The following PIEZO2 variants were observed in gnomAD, a reference collection of about 807,000 sequenced individuals.
PIEZO2 encodes piezo type mechanosensitive ion channel component 2.
A neutral mutation model predicts 337.3 loss-of-function variants in PIEZO2; 172 were observed. The ratio of observed to expected loss-of-function variants is 0.51; its 90% CI spans 0.45 to 0.58. The LOEUF is 0.58. Ranked by LOEUF, PIEZO2 falls within the 20% of genes least tolerant of loss-of-function variation. The pLI is 0.00. For missense variants in PIEZO2, 3,028 were observed against 3,391.3 expected (o/e 0.89, Z 2.66); for synonymous variants, 1,251 against 1,228.5 (o/e 1.02, Z -0.38).
chr18:10,855,279 C>T lies in PIEZO2; in HGVS notation c.917+74G>A. 7.5e-7 allele frequency: 1 copy of T among 1,327,710 alleles called. No individual in the cohort carries two copies. Among genetic ancestry groups the T allele is most frequent in the South Asian group, 1.3e-5 (1 of 76,506 alleles). The allele number at this position is 1,327,710 out of a possible 1,614,324, so 82.2% of individuals were successfully genotyped here. A position where few individuals can be genotyped will look rare whatever the true frequency, so the allele number is the denominator to read the frequency against. On this transcript the variant is annotated intron_variant, in intron 7 of 55. Transcript: ENST00000674853. The surrounding 1 kb of genome is among the most constrained non-coding windows in gnomAD (Gnocchi z 4.9). The stretch of plus-strand genomic sequence containing the variant: ...CCATCAAGAATAACCCCTGTAAATT[C>T]ACAATGCCAAACCAAGGTCCCAAAG...
In PIEZO2 at chr18:11,003,633, C is replaced by G. The variant is rs563546590; in HGVS notation, c.161-23973G>C. ...TTCAGGGCACCAGGCGGGCATCAGG[C>G]GGGCACCAGCCCTAGCCAGTACACC... On this transcript the variant is annotated intron_variant, in intron 2 of 55. Transcript: ENST00000674853. This position sits in a 1 kb window ranked among gnomAD's most constrained non-coding sequence, Gnocchi z 4.6. Among the ~76,000 whole-genome samples the G allele has an allele frequency of 6.6e-6, 1 of 152,184 alleles. No homozygotes were observed. The highest frequency in any genetic ancestry group is 2.4e-5 in the African/African-American group (1 of 41,440).
Position 11,038,351 on chromosome 18 carries a change from T to C in PIEZO2, c.160+27776A>G, listed in dbSNP as rs1247878568. Among the ~76,000 whole-genome samples, 1 of 152,146 alleles carries C rather than the reference T, an allele frequency of 6.6e-6. No homozygotes were observed. The highest frequency in any genetic ancestry group is 1.5e-5 in the Non-Finnish European group (1 of 68,034). On this transcript the variant is annotated intron_variant, in intron 2 of 55. Transcript: ENST00000674853. The surrounding 1 kb of genome is among the most constrained non-coding windows in gnomAD (Gnocchi z 4.1). ...TATTATTTCTAAGTTGTATTTTCCT[T>C]CCTTAATTTTTAACTCAAACTTACT...
In PIEZO2 at chr18:10,927,173, T is replaced by C. The variant is rs141705195; in HGVS notation, c.287-15945A>G. On this transcript the variant is annotated intron_variant, in intron 3 of 55. Coordinates refer to ENST00000674853, the MANE Select transcript of PIEZO2 (RefSeq NM_001378183.1). ...GACTGGCAGCCACTTTTCCATGTTA[T>C]CTGATTCGTCTTTCAGATCTCTCAG... Among the ~76,000 whole-genome samples, 407 of 152,332 alleles carry C rather than the reference T, an allele frequency of 2.7e-3. 1 individual carries two copies. Among genetic ancestry groups the C allele is most frequent in the African/African-American group, 9.1e-3 (380 of 41,588 alleles).
At chr18:10,734,749 A>G (rs1239713026) in intron 35 of PIEZO2, among the ~76,000 whole-genome samples, 1 of 152,234 alleles carries the variant, frequency 6.6e-6, no homozygotes, top group Admixed American at 6.5e-5. Flanking sequence ...TCAGCCCAGG[A>G]AGAAGCTGGC....
In PIEZO2 at chr18:10,691,782, C is replaced by CACACACACACACACATATATATATAT; in HGVS notation, c.7191-400_7191-399insATATATATATATGTGTGTGTGTGTGT. On this transcript the variant is annotated intron_variant, in intron 47 of 55. Coordinates refer to ENST00000674853, the MANE Select transcript of PIEZO2 (RefSeq NM_001378183.1). Reference sequence around the variant, plus strand: ...AAATATATATAAACACACACACACACATATATATATATATATATAGAGAGA... The same window carrying CACACACACACACACATATATATATAT: ...AAATATATATAAACACACACACACACACACACACACACACATATATATATATATATATATATATATATATAGAGAGA... Among the ~76,000 whole-genome samples, 26 of 96,598 alleles carry CACACACACACACACATATATATATAT rather than the reference C, an allele frequency of 2.7e-4. 2 individuals are homozygous for CACACACACACACACATATATATATAT. The highest frequency in any genetic ancestry group is 1.7e-3 in the East Asian group (4 of 2,334). 63.4% of individuals were successfully genotyped at this position (96,598 alleles called of 152,430 possible).
At chr18:10,957,089 A>G (rs1024936294) in intron 3 of PIEZO2, among the ~76,000 whole-genome samples, 15 of 151,820 alleles carry the variant, frequency 9.9e-5, no homozygotes, top group Non-Finnish European at 2.1e-4. Context: ...TGGGGAAAGG[A>G]CAGTCTCCTC....
chr18:10,755,538 T>C (rs536091478), intron 27 of PIEZO2, among the ~76,000 whole-genome samples: 3 of 152,238 alleles, frequency 2.0e-5, no homozygotes, highest in Admixed American at 6.5e-5. Flanking sequence ...CTCCATGAAG[T>C]GGGCCTTGGG....
At chr18:11,091,383 C>CAAAAAAA (rs529307821) in intron 1 of PIEZO2, among the ~76,000 whole-genome samples, 1 of 77,834 alleles carries the variant, frequency 1.3e-5, no homozygotes, top group African/African-American at 4.2e-5. Flanking sequence ...GACTCCGTCT[C>CAAAAAAA]AAAAAAAAAA....
At chr18:10,785,393 T>A (rs1004750496) in intron 16 of PIEZO2, among the ~76,000 whole-genome samples, 31 of 152,230 alleles carry the variant, frequency 2.0e-4, no homozygotes, top group African/African-American at 7.5e-4. Context: ...TTACACATCA[T>A]CCTTACACCA....
At chr18:10,681,168 A>C (rs2034247384) in intron 51 of PIEZO2, among the ~76,000 whole-genome samples, 1 of 152,212 alleles carries the variant, frequency 6.6e-6, no homozygotes, top group Non-Finnish European at 1.5e-5. Context: ...TGAAAAGTAG[A>C]AGCTCCTTCT....
rs148615683 is a variant in PIEZO2 at position 11,003,854 on chromosome 18, A to G, written c.161-24194T>C. 1.1e-4 allele frequency among the ~76,000 whole-genome samples: 17 copies of G among 152,350 alleles called. No individual in the cohort carries two copies. Among genetic ancestry groups the G allele is most frequent in the African/African-American group, 4.1e-4 (17 of 41,578 alleles). On this transcript the variant is annotated intron_variant, in intron 2 of 55. Transcript: ENST00000674853. The surrounding 1 kb of genome is among the most constrained non-coding windows in gnomAD (Gnocchi z 4.6). ...ACAAAGTGATTTTTTCCCCTCATTG[A>G]CATTGGAACAAAACAATATTCAACT...
chr18:10,674,848 T>C (rs1035317319), intron 54 of PIEZO2, among the ~76,000 whole-genome samples: 1 of 152,258 alleles, frequency 6.6e-6, no homozygotes, highest in South Asian at 2.1e-4. Flanking sequence ...GCTATATTTT[T>C]ACTGTTCTTA....
chr18:11,070,339 C>T lies in PIEZO2; in HGVS notation c.65-4117G>A, dbSNP rs8085263. ...CCCACAGACTGTCAACATTCCTGCT[C>T]GGTGACTATCAAGGGGCATGGAGAT... is the stretch of plus-strand genomic sequence containing the variant. On this transcript the variant is annotated intron_variant, in intron 1 of 55. Coordinates refer to ENST00000674853, the MANE Select transcript of PIEZO2 (RefSeq NM_001378183.1). The surrounding 1 kb of genome is among the most constrained non-coding windows in gnomAD (Gnocchi z 4.3). 0.64 allele frequency among the ~76,000 whole-genome samples: 97,467 copies of T among 151,956 alleles called. 32,068 individuals carry two copies. Among genetic ancestry groups the T allele is most frequent in the East Asian group, 0.97 (5,019 of 5,176 alleles).
At chr18:10,917,445 A>C (rs1333486441) in intron 3 of PIEZO2, among the ~76,000 whole-genome samples, 1 of 152,148 alleles carries the variant, frequency 6.6e-6, no homozygotes, top group African/African-American at 2.4e-5. Flanking sequence ...CATATTGTAA[A>C]TTCATTATTC....
chr18:10,718,377 G>T, intron 36 of PIEZO2, 118 bp from the exon 37 acceptor site: 1 of 817,772 alleles, frequency 1.2e-6, no homozygotes, highest in Non-Finnish European at 1.9e-6. Flanking sequence ...TCTATTTCAA[G>T]AGTTCCTTGG....
chr18:11,106,393 C>T (rs1345199550), intron 1 of PIEZO2, among the ~76,000 whole-genome samples: 5 of 149,722 alleles, frequency 3.3e-5, no homozygotes, highest in East Asian at 3.9e-4. Flanking sequence ...CCACAGCACC[C>T]GGCCCATTTT....
chr18:10,978,020 T>C (rs72868836), intron 3 of PIEZO2, among the ~76,000 whole-genome samples: 5 of 152,210 alleles, frequency 3.3e-5, no homozygotes, highest in Non-Finnish European at 7.4e-5. Flanking sequence ...CCTTTGAATA[T>C]ACTAAAAACT....
chr18:10,968,385 A>C (rs2034101648), intron 3 of PIEZO2, among the ~76,000 whole-genome samples: 1 of 152,170 alleles, frequency 6.6e-6, no homozygotes, highest in Non-Finnish European at 1.5e-5. Context: ...AGGTAATGTG[A>C]TGCCTCCAGA....
chr18:10,966,958 T>C (rs2145413412), intron 3 of PIEZO2, among the ~76,000 whole-genome samples: 1 of 152,238 alleles, frequency 6.6e-6, no homozygotes, highest in Non-Finnish European at 1.5e-5. Flanking sequence ...TTTTGTTCTT[T>C]TTTATGGCTG....
Sources: gnomAD v4.1 joint callset for allele counts (sites outside exome capture counted in the v4.1 genomes callset) on GRCh38, gnomAD v4.1.1 for gene constraint, Gnocchi (gnomAD v3.1) non-coding constraint, MANE v1.5 for transcripts, NCBI Gene and HGNC (gene_info 2026-07-23, HGNC 2026-07-21) for gene names.